PCDHA9: variants seen among roughly 807,000 people sequenced by gnomAD.
The protein encoded by PCDHA9 is protocadherin alpha-9.
Under a neutral mutation model 62.0 loss-of-function variants are expected in PCDHA9, and 62 were observed. That is an observed-to-expected ratio of 1.00 (90% CI 0.81 to 1.23). The LOEUF (loss-of-function observed/expected upper bound fraction) is 1.23. PCDHA9 is among the 50% of genes most tolerant of loss of function. The pLI is 0.00. For synonymous variants in PCDHA9, 557 were observed against 567.6 expected, an observed-to-expected ratio of 0.98 and a Z score of 0.27; for missense variants, 1,205 against 1,249.8, an observed-to-expected ratio of 0.96 and a Z score of 0.54.
chr5:140,853,313 T>C lies in PCDHA9; in HGVS notation c.2394+2424T>C, dbSNP rs1581310278. The C allele has an allele frequency of 3.0e-6, 3 of 984,212 alleles. 1 individual carries two copies. Among genetic ancestry groups the C allele is most frequent in the Non-Finnish European group, 1.2e-6 (1 of 816,620 alleles). 61.0% of individuals were successfully genotyped at this position (984,212 alleles called of 1,614,324 possible). A position where few individuals can be genotyped will look rare whatever the true frequency, so the allele number is the denominator to read the frequency against. On this transcript the variant is annotated intron_variant, in intron 1 of 3. Transcript: ENST00000532602. ...CTCAGAAGGGCTGTGAACACCTTAG[T>C]AATAAATTTATCTTTTGAGGTCATT...
At chr5:140,876,956 T>A in intron 1 of PCDHA9, 1 of 1,613,342 alleles carries the variant, frequency 6.2e-7, no homozygotes, top group Non-Finnish European at 8.5e-7. Flanking sequence ...TACTCGCTGG[T>A]GGAGCGGCGG....
intron 1 of PCDHA9, chr5:140,883,969 G>C: frequency 6.2e-7 from 1 of 1,612,962 alleles, no homozygotes; most frequent in Non-Finnish European, 8.5e-7. Context: ...CGCTGCTGAC[G>C]CCCGGGGCTG....
intron 1 of PCDHA9, among the ~76,000 whole-genome samples, chr5:140,913,558 G>C (rs1042223174): frequency 2.6e-5 from 4 of 151,668 alleles, no homozygotes; most frequent in African/African-American, 4.8e-5. Flanking sequence ...TTGATCTCTT[G>C]TATTTTCATC....
chr5:140,923,963 A>G (rs1172303229), intron 1 of PCDHA9, among the ~76,000 whole-genome samples: 1 of 152,188 alleles, frequency 6.6e-6, no homozygotes, highest in African/African-American at 2.4e-5. Context: ...CCTAATCTAT[A>G]CCCACACATA....
rs1554143711 is a variant in PCDHA9 at position 140,850,066 on chromosome 5, A to G, written c.1571A>G (p.Asp524Gly). Reference sequence around the variant, plus strand: ...AAGGTGTACGCGCTGCAGCCGTTGGACCACGAGGAGCTGGAGCTGCTACAG... The same window carrying G: ...AAGGTGTACGCGCTGCAGCCGTTGGGCCACGAGGAGCTGGAGCTGCTACAG... ...SGKVYALQPL[D>G]HEELELLQFQ... Residue 524 changes from aspartate to glycine, a missense_variant, in exon 1 of 4, where the codon GAC becomes GGC. By Grantham distance (94) the Asp-to-Gly change is moderately conservative. Coordinates refer to ENST00000532602, the MANE Select transcript of PCDHA9 (RefSeq NM_031857.2). The G allele has an allele frequency of 6.3e-7, 1 of 1,596,292 alleles. No individual in the cohort carries two copies. The highest frequency in any genetic ancestry group is 1.3e-5 in the African/African-American group (1 of 74,280).
intron 3 of PCDHA9, among the ~76,000 whole-genome samples, chr5:140,999,135 C>T (rs2097848218): frequency 6.6e-6 from 1 of 152,180 alleles, no homozygotes; most frequent in Non-Finnish European, 1.5e-5. Context: ...GAAAATGTCA[C>T]AGCCGGAAGT....
chr5:140,973,606 G>A (rs1554235444), intron 1 of PCDHA9, among the ~76,000 whole-genome samples: 1 of 152,204 alleles, frequency 6.6e-6, no homozygotes, highest in African/African-American at 2.4e-5. Flanking sequence ...TTATGGCTGA[G>A]CTCTTCTCTG....
At chr5:140,877,585 T>A (rs2057227188) in intron 1 of PCDHA9, 1 of 1,613,836 alleles carries the variant, frequency 6.2e-7, no homozygotes, top group Non-Finnish European at 8.5e-7. Flanking sequence ...CATCGCCATC[T>A]GTGCGGTGTC....
At chr5:140,858,424 C>T in intron 1 of PCDHA9, 3 of 1,553,410 alleles carry the variant, frequency 1.9e-6, no homozygotes, top group Non-Finnish European at 2.6e-6. Context: ...TTGGAGGGGA[C>T]CACTCTAGGA....
chr5:140,964,251 T>A (rs2095820730), intron 1 of PCDHA9, among the ~76,000 whole-genome samples: 2 of 152,330 alleles, frequency 1.3e-5, no homozygotes, highest in Non-Finnish European at 1.5e-5. Flanking sequence ...TGGCTTTATA[T>A]TTGACTCCTT....
intron 1 of PCDHA9, among the ~76,000 whole-genome samples, chr5:140,905,926 A>G (rs1040903041): frequency 6.6e-6 from 1 of 152,318 alleles, no homozygotes; most frequent in East Asian, 1.9e-4. Flanking sequence ...TCTGAGTCCC[A>G]AAGCTGAAGA....
intron 1 of PCDHA9, among the ~76,000 whole-genome samples, chr5:140,976,410 G>C (rs1353790339): frequency 6.6e-6 from 1 of 152,074 alleles, no homozygotes; most frequent in Non-Finnish European, 1.5e-5. Context: ...AATTAGCCAG[G>C]TACGGTGGCA....
At chr5:140,992,471 A>G (rs1563581785) in intron 3 of PCDHA9, among the ~76,000 whole-genome samples, 1 of 152,186 alleles carries the variant, frequency 6.6e-6, no homozygotes, top group Non-Finnish European at 1.5e-5. Context: ...TACTCTTTAG[A>G]TCACCCAGAG....
chr5:140,883,658 G>C (rs573544891), intron 1 of PCDHA9: 2 of 1,613,994 alleles, frequency 1.2e-6, no homozygotes, highest in African/African-American at 2.7e-5. Context: ...CACGGTGTTC[G>C]TGAAGGAAAA....
At chr5:140,955,438 A>C (rs975663366) in intron 1 of PCDHA9, among the ~76,000 whole-genome samples, 2 of 151,994 alleles carry the variant, frequency 1.3e-5, no homozygotes, top group African/African-American at 4.8e-5. Context: ...ATTAGGTCTG[A>C]TGGTTTTATA....
chr5:140,852,107 A>T, intron 1 of PCDHA9: 1 of 907,274 alleles, frequency 1.1e-6, no homozygotes, highest in East Asian at 1.2e-4. Context: ...ATATTTTACA[A>T]GGTATGACCT....
Position 140,966,719 on chromosome 5 carries a change from G to A in PCDHA9, c.2395-12230G>A, listed in dbSNP as rs373995406. On this transcript the variant is annotated intron_variant, in intron 1 of 3. Coordinates refer to ENST00000532602, the MANE Select transcript of PCDHA9 (RefSeq NM_031857.2). ...CCGGGCGTGGGGCACGGCTGGGGAA[G>A]CTGCCGCCTCCGGCCCTGCCCGGCT... 7.2e-6 allele frequency: 10 copies of A among 1,395,512 alleles called. No individual in the cohort carries two copies. The East Asian group carries it at 1.1e-4, about 16-fold the overall frequency. 86.4% of individuals were successfully genotyped at this position (1,395,512 alleles called of 1,614,324 possible).
Position 140,943,601 on chromosome 5 carries a change from T to C in PCDHA9, c.2395-35348T>C, listed in dbSNP as rs148231077. ...TCTGAGTGGGGCTGAATTCTAAATA[T>C]AGACTTTGATTCATCTGCATAAGGA... On this transcript the variant is annotated intron_variant, in intron 1 of 3. Coordinates refer to ENST00000532602, the MANE Select transcript of PCDHA9 (RefSeq NM_031857.2). Among the ~76,000 whole-genome samples the C allele has an allele frequency of 1.9e-3, 291 of 152,290 alleles. 2 individuals carry two copies. The highest frequency in any genetic ancestry group is 6.6e-3 in the African/African-American group (276 of 41,566).
chr5:140,974,328 C>G (rs2096623040), intron 1 of PCDHA9, among the ~76,000 whole-genome samples: 1 of 152,198 alleles, frequency 6.6e-6, no homozygotes, highest in Admixed American at 6.5e-5. Flanking sequence ...AGCTGCTGTG[C>G]TAGCAGGCTA....
Sources: gnomAD v4.1 joint callset for allele counts (sites outside exome capture counted in the v4.1 genomes callset) on GRCh38, gnomAD v4.1.1 for gene constraint, MANE v1.5 for transcripts, NCBI Gene and HGNC (gene_info 2026-07-23, HGNC 2026-07-21) for gene names.